ZNF695: variants seen among roughly 807,000 people sequenced by gnomAD.
ZNF695 encodes zinc finger protein 695.
Under a neutral mutation model 11.2 loss-of-function variants are expected in ZNF695, and 11 were observed. That is an observed-to-expected ratio of 0.98 (90% CI 0.62 to 1.62). The LOEUF (loss-of-function observed/expected upper bound fraction) is 1.62. Ranked by LOEUF, ZNF695 falls within the 40% of genes most tolerant of loss-of-function variation. The probability of loss-of-function intolerance (pLI) is 0.00; values close to 1 mark genes in which losing one functional copy is unlikely to be tolerated. For missense variants in ZNF695, 559 were observed against 590.5 expected (o/e 0.95, Z 0.55); for synonymous variants, 190 against 201.4 (o/e 0.94, Z 0.48).
intron 3 of ZNF695, among the ~76,000 whole-genome samples, chr1:246,993,349 G>A (rs1461123809): frequency 6.6e-6 from 1 of 152,118 alleles, no homozygotes; most frequent in Non-Finnish European, 1.5e-5. Context: ...AGAGGGTGCA[G>A]TGAGCCGAGA....
intron 5 of ZNF695, among the ~76,000 whole-genome samples, chr1:246,955,107 C>T (rs1029262352): frequency 6.6e-6 from 1 of 152,182 alleles, no homozygotes; most frequent in African/African-American, 2.4e-5. Context: ...GCTTTCTTGC[C>T]TGCCACCATG....
Position 246,988,225 on chromosome 1 carries a change from A to G in ZNF695, c.290T>C (p.Leu97Ser). ...VLSSYLTEDI[L>S]PEQGLQVSFQ... ...TGAAACTTGCAGGCCCTGCTCTGGC[A>G]AAATGTCTTCAGTAAGATAAGAAGA... Residue 97 changes from leucine (L) to serine (S), a missense_variant, in exon 4 of 4, where the codon TTG (leucine) becomes TCG (serine). Leu to Ser is a moderately radical substitution (Grantham distance 145). Transcript: ENST00000339986. 1 of 1,578,674 alleles carries G rather than the reference A, an allele frequency of 6.3e-7. No individual in the cohort carries two copies. Among genetic ancestry groups the G allele is most frequent in the Non-Finnish European group, 8.6e-7 (1 of 1,166,964 alleles).
intron 3 of ZNF695, among the ~76,000 whole-genome samples, chr1:246,992,274 G>A (rs1218896774): frequency 2.0e-5 from 3 of 152,120 alleles, no homozygotes; most frequent in Non-Finnish European, 2.9e-5. Flanking sequence ...AGGTCACCAC[G>A]TTAAGTAAAA....
intron 5 of ZNF695, among the ~76,000 whole-genome samples, chr1:246,947,834 G>A (rs558848866): frequency 6.6e-6 from 1 of 152,206 alleles, no homozygotes; most frequent in South Asian, 2.1e-4. Context: ...AATTCTAATG[G>A]AACATTTAAG....
intron 4 of ZNF695, among the ~76,000 whole-genome samples, chr1:246,975,928 G>A (rs1031176143): frequency 4.6e-5 from 7 of 152,124 alleles, no homozygotes; most frequent in East Asian, 3.9e-4. Context: ...TCTATTAGGC[G>A]AAGAGAATAA....
At position 247,003,549 on chromosome 1, in the gene ZNF695, A is replaced by T. The variant is rs1467759881; in HGVS notation, c.4-3475T>A. 5.9e-5 allele frequency among the ~76,000 whole-genome samples: 9 copies of T among 152,300 alleles called. No individual in the cohort carries two copies. The East Asian group carries it at 9.6e-4, about 16-fold the overall frequency. On this transcript the variant is annotated intron_variant, in intron 1 of 3. Coordinates refer to ENST00000339986, the MANE Select transcript of ZNF695 (RefSeq NM_020394.5). The stretch of plus-strand genomic sequence containing the variant: ...TGTGCACCAAACAACCATGAAACAA[A>T]ATTTGCCAATATAACAAACCTGCAC...
At chr1:247,007,281 G>T (rs866471776) in intron 1 of ZNF695, among the ~76,000 whole-genome samples, 2 of 151,968 alleles carry the variant, frequency 1.3e-5, no homozygotes, top group South Asian at 2.1e-4. Flanking sequence ...CGAGGCGGGC[G>T]GATCACGAGG....
intron 5 of ZNF695, among the ~76,000 whole-genome samples, chr1:246,958,206 A>C (rs189400387): frequency 1.5e-3 from 225 of 147,388 alleles, no homozygotes; most frequent in Middle Eastern, 0.01. Context: ...CTACAGGTGC[A>C]CACCACCACG....
chr1:246,964,952 CTT>C (rs1425346606), intron 5 of ZNF695, among the ~76,000 whole-genome samples: 1 of 152,132 alleles, frequency 6.6e-6, no homozygotes, highest in African/African-American at 2.4e-5. Context: ...GATGGGGGAA[CTT>C]TATGGGGTGA....
chr1:246,974,165 A>C (rs36072876), intron 4 of ZNF695, among the ~76,000 whole-genome samples: 43,308 of 150,532 alleles, frequency 0.29, 7,193 homozygotes, highest in East Asian at 0.42. Context: ...AACAAACAAA[A>C]AAAAACAAAC....
At chr1:246,966,823 G>A (rs909960082) in intron 5 of ZNF695, 1 of 456,624 alleles carries the variant, frequency 2.2e-6, no homozygotes, top group Non-Finnish European at 4.4e-6. Context: ...TTGTGGGGAG[G>A]TCCTGTGAGC....
chr1:246,967,711 C>CATGCTT (rs1668324027), exon 5 of ZNF695: 1 of 397,948 alleles, frequency 2.5e-6, no homozygotes, highest in Non-Finnish European at 5.0e-6. Flanking sequence ...GTGGGCTTTA[C>CATGCTT]ATGCTTCTGC....
chr1:246,945,652 T>A (rs1667715471), downstream of ZNF695: 2 of 759,756 alleles, frequency 2.6e-6, no homozygotes, highest in South Asian at 3.9e-5. Flanking sequence ...AATCTTCCTT[T>A]CATATTCATC....
At chr1:246,946,905 G>C (rs1667747184) in intron 5 of ZNF695, among the ~76,000 whole-genome samples, 1 of 152,124 alleles carries the variant, frequency 6.6e-6, no homozygotes. Flanking sequence ...ACTTTGGAAG[G>C]CCAAGGCAGG....
intron 4 of ZNF695, among the ~76,000 whole-genome samples, chr1:246,971,590 CTT>C (rs1316971468): frequency 3.3e-5 from 5 of 152,046 alleles, no homozygotes; most frequent in African/African-American, 1.2e-4. Flanking sequence ...GGCTCACACT[CTT>C]GCCTTCTGGT....
intron 4 of ZNF695, chr1:246,968,265 G>A (rs1668338229): frequency 1.3e-5 from 2 of 152,330 alleles, no homozygotes; most frequent in South Asian, 4.1e-4. Context: ...GGGGTTACAG[G>A]CCCCATGCAA....
chr1:246,981,203 G>A (rs923429292), downstream of ZNF695, among the ~76,000 whole-genome samples: 2 of 152,132 alleles, frequency 1.3e-5, no homozygotes, highest in African/African-American at 4.8e-5. Context: ...TTGTTAGAAC[G>A]ACTATAATCA....
chr1:246,983,060 CG>C (rs1268955843), downstream of ZNF695, among the ~76,000 whole-genome samples: 2 of 151,770 alleles, frequency 1.3e-5, no homozygotes, highest in African/African-American at 2.4e-5. Flanking sequence ...AAAAATTAGC[CG>C]GGTGTGGTGG....
At chr1:246,966,869 TGAG>T (rs1410400161) in intron 5 of ZNF695, 7 of 456,520 alleles carry the variant, frequency 1.5e-5, no homozygotes, top group African/African-American at 1.4e-4. Flanking sequence ...GATAGTGAGA[TGAG>T]GAGTTATTGG....
Sources: allele counts gnomAD v4.1 joint callset (sites outside exome capture counted in the v4.1 genomes callset), GRCh38; gene constraint gnomAD v4.1.1; transcripts MANE v1.5; gene names NCBI Gene and HGNC (gene_info 2026-07-23, HGNC 2026-07-21).